The following LIMCH1 variants were observed in gnomAD, a reference collection of about 807,000 sequenced individuals.
LIMCH1 encodes the protein LIM and calponin homology domains-containing protein 1.
A neutral mutation model predicts 176.5 loss-of-function variants in LIMCH1; 113 were observed. The observed-to-expected ratio is 0.64, with a 90% CI of 0.55 to 0.75. The LOEUF (loss-of-function observed/expected upper bound fraction) is 0.75, where lower values mean the gene tolerates loss of function less well. Ranked by LOEUF, LIMCH1 falls within the 30% of genes least tolerant of loss-of-function variation. The pLI is 0.00. For missense variants in LIMCH1, 1,674 were observed against 1,814.9 expected, an observed-to-expected ratio of 0.92 and a Z score of 1.41; for synonymous variants, 619 against 645.9, an observed-to-expected ratio of 0.96 and a Z score of 0.63.
intron 1 of LIMCH1, among the ~76,000 whole-genome samples, chr4:41,377,277 G>T (rs971155600): frequency 2.0e-5 from 3 of 152,096 alleles, no homozygotes; most frequent in African/African-American, 7.2e-5. Context: ...CCTGGGAGAT[G>T]CTCTCTTTAT....
At chr4:41,462,132 T>G (rs1400266491) in intron 1 of LIMCH1, among the ~76,000 whole-genome samples, 1 of 152,162 alleles carries the variant, frequency 6.6e-6, no homozygotes, top group Non-Finnish European at 1.5e-5. Flanking sequence ...TGAAATCAAG[T>G]GCTGAACTTT....
At chr4:41,682,148 A>T (rs546373251) in intron 25 of LIMCH1, among the ~76,000 whole-genome samples, 185 bp from the exon 26 acceptor site, 1 of 152,242 alleles carries the variant, frequency 6.6e-6, no homozygotes, top group Non-Finnish European at 1.5e-5. Flanking sequence ...CTTTCTAAAG[A>T]GATTCAGATT....
intron 4 of LIMCH1, among the ~76,000 whole-genome samples, chr4:41,610,204 T>G (rs2091263505): frequency 6.6e-6 from 1 of 152,250 alleles, no homozygotes; most frequent in Admixed American, 6.5e-5. Context: ...ACTTTCTCCT[T>G]TCTTCTCCTG....
chr4:41,520,525 C>T (rs2076015340), intron 2 of LIMCH1, among the ~76,000 whole-genome samples: 1 of 152,084 alleles, frequency 6.6e-6, no homozygotes, highest in Admixed American at 6.6e-5. Context: ...TTTCTGTTCC[C>T]TCCACTGCCC....
At chr4:41,387,393 A>T (rs766119228) in intron 1 of LIMCH1, among the ~76,000 whole-genome samples, 1 of 152,390 alleles carries the variant, frequency 6.6e-6, no homozygotes, top group Non-Finnish European at 1.5e-5. Context: ...CAATGAATAT[A>T]CATTTCCTAT....
chr4:41,590,849 T>C (rs2087416349), intron 1 of LIMCH1, among the ~76,000 whole-genome samples: 1 of 152,184 alleles, frequency 6.6e-6, no homozygotes, highest in African/African-American at 2.4e-5. Context: ...CATCAGCCAG[T>C]CACTGGAGTG....
At chr4:41,448,828 ACTTT>A (rs1452591549) in intron 1 of LIMCH1, among the ~76,000 whole-genome samples, 1 of 152,150 alleles carries the variant, frequency 6.6e-6, no homozygotes, top group Non-Finnish European at 1.5e-5. Flanking sequence ...TGGTCTCCAA[ACTTT>A]CTTTATTTAT....
chr4:41,552,302 G>T (rs1294094539), intron 1 of LIMCH1, among the ~76,000 whole-genome samples: 1 of 152,152 alleles, frequency 6.6e-6, no homozygotes, highest in African/African-American at 2.4e-5. Flanking sequence ...TGAAGAGTCT[G>T]TAAAAAGAAG....
At chr4:41,555,366 A>G (rs140878626) in intron 1 of LIMCH1, among the ~76,000 whole-genome samples, 1 of 152,296 alleles carries the variant, frequency 6.6e-6, no homozygotes, top group East Asian at 1.9e-4. Context: ...TCACAACTAC[A>G]TGGTATGCCT....
At position 41,681,967 on chromosome 4, in the gene LIMCH1, A is replaced by G. The variant is rs943379790; in HGVS notation, c.3718-366A>G. 3.3e-5 allele frequency among the ~76,000 whole-genome samples: 5 copies of G among 152,362 alleles called. 1 individual carries two copies. Among genetic ancestry groups the G allele is most frequent in the African/African-American group, 4.8e-5 (2 of 41,594 alleles). On this transcript the variant is annotated intron_variant, in intron 25 of 31. Coordinates refer to ENST00000503057, the MANE Select transcript of LIMCH1 (RefSeq NM_001330672.2). ...GCCTCCACATTCCCCAAATAAGGTC[A>G]TAGAAGATGGAAGTACAGGGCAGAA...
intron 1 of LIMCH1, among the ~76,000 whole-genome samples, chr4:41,423,440 T>C (rs2060798490): frequency 2.1e-5 from 3 of 143,840 alleles, no homozygotes; most frequent in Admixed American, 2.0e-4. Flanking sequence ...AAATATGTTG[T>C]CTTGGGGTTA....
At chr4:41,676,622 C>T (rs1291184614) in intron 23 of LIMCH1, among the ~76,000 whole-genome samples, 160 bp downstream of exon 23, 1 of 152,022 alleles carries the variant, frequency 6.6e-6, no homozygotes, top group African/African-American at 2.4e-5. Flanking sequence ...TAACAGGGTA[C>T]CCTGTGTCTC....
chr4:41,655,511 C>G (rs1424157413), intron 18 of LIMCH1, among the ~76,000 whole-genome samples: 1 of 152,200 alleles, frequency 6.6e-6, no homozygotes, highest in Non-Finnish European at 1.5e-5. Flanking sequence ...AAATTAGCAT[C>G]TTGAACAGAC....
intron 1 of LIMCH1, among the ~76,000 whole-genome samples, chr4:41,378,113 A>G (rs1036649816): frequency 6.6e-6 from 1 of 152,230 alleles, no homozygotes; most frequent in African/African-American, 2.4e-5. Context: ...CGAAGGGAAC[A>G]TGAGCAGAGG....
chr4:41,667,450 T>C (rs953960922), intron 21 of LIMCH1, among the ~76,000 whole-genome samples: 1 of 152,026 alleles, frequency 6.6e-6, no homozygotes, highest in Non-Finnish European at 1.5e-5. Context: ...ATACTAAAGA[T>C]TTAAAAATGT....
intron 1 of LIMCH1, among the ~76,000 whole-genome samples, chr4:41,588,070 T>A (rs548199870): frequency 7.7e-4 from 117 of 152,242 alleles, no homozygotes; most frequent in Non-Finnish European, 1.4e-3. Flanking sequence ...TATCTCCTAA[T>A]GCTATCCCTC....
chr4:41,633,134 G>A, intron 12 of LIMCH1, 49 bp downstream of exon 12: 1 of 1,333,512 alleles, frequency 7.5e-7, no homozygotes, highest in Non-Finnish European at 1.0e-6. Context: ...CCCCTGCTGT[G>A]TGTGGCTGTC....
At chr4:41,551,604 C>T (rs1368320125) in intron 1 of LIMCH1, among the ~76,000 whole-genome samples, 1 of 151,990 alleles carries the variant, frequency 6.6e-6, no homozygotes, top group Non-Finnish European at 1.5e-5. Context: ...CAGCCTGCTT[C>T]CTTTTGTTCA....
At chr4:41,587,234 A>G (rs1475843271) in intron 1 of LIMCH1, among the ~76,000 whole-genome samples, 2 of 152,206 alleles carry the variant, frequency 1.3e-5, no homozygotes. Flanking sequence ...TGCAGCCAGT[A>G]TTGATAGTTT....
Sources: gnomAD v4.1 joint callset for allele counts (sites outside exome capture counted in the v4.1 genomes callset) on GRCh38, gnomAD v4.1.1 for gene constraint, MANE v1.5 for transcripts, NCBI Gene and HGNC (gene_info 2026-07-23, HGNC 2026-07-21) for gene names.